The following GRB2 variants were observed in gnomAD, a reference collection of about 807,000 sequenced individuals.
The protein encoded by GRB2 is growth factor receptor-bound protein 2.
In GRB2, 2 loss-of-function variants were observed where a neutral mutation model predicts 27.4. The observed-to-expected ratio is 0.07, with a 90% CI of 0.03 to 0.23. The LOEUF is 0.23. Ranked by LOEUF, GRB2 falls within the 10% of genes least tolerant of loss-of-function variation. The probability of loss-of-function intolerance (pLI) is 1.00; values close to 1 mark genes in which losing one functional copy is unlikely to be tolerated. For synonymous variants in GRB2, 94 were observed against 99.6 expected (o/e 0.94, Z 0.33); for missense variants, 102 against 282.4 (o/e 0.36, Z 4.58).
At chr17:75,354,714 T>TG (rs1315169331) in intron 2 of GRB2, among the ~76,000 whole-genome samples, 1 of 152,178 alleles carries the variant, frequency 6.6e-6, no homozygotes, top group African/African-American at 2.4e-5. Context: ...CCAAAAGATG[T>TG]GACAGCTATT....
intron 4 of GRB2, among the ~76,000 whole-genome samples, chr17:75,324,507 G>GTTTTTTTTTTTTTT (rs767194304): frequency 2.5e-4 from 9 of 36,694 alleles, no homozygotes; most frequent in African/African-American, 3.3e-4. Flanking sequence ...ACCGCACCCA[G>GTTTTTTTTTTTTTT]TTTTTTTTTT....
At chr17:75,346,445 G>A (rs967348683) in intron 2 of GRB2, among the ~76,000 whole-genome samples, 39 of 152,008 alleles carry the variant, frequency 2.6e-4, no homozygotes, top group African/African-American at 8.7e-4. Context: ...GCAGGGAGCC[G>A]AGACTGCGCC....
chr17:75,371,181 TTAAG>T (rs1284260828), intron 2 of GRB2: 4 of 151,950 alleles, frequency 2.6e-5, no homozygotes, highest in Admixed American at 2.6e-4. Flanking sequence ...ATAACACTGA[TTAAG>T]TATTCTTTAG....
chr17:75,384,936 G>A (rs1005303846), intron 2 of GRB2, among the ~76,000 whole-genome samples: 11 of 143,906 alleles, frequency 7.6e-5, no homozygotes, highest in African/African-American at 2.3e-4. Context: ...GGTAGCTCAT[G>A]TCGGTAATCC....
chr17:75,337,906 A>AC (rs1567859979), intron 2 of GRB2, among the ~76,000 whole-genome samples: 1 of 118,646 alleles, frequency 8.4e-6, no homozygotes, highest in African/African-American at 3.2e-5. Flanking sequence ...TACTACTATT[A>AC]TTATTATTAT....
At chr17:75,376,550 T>G (rs2078895238) in intron 2 of GRB2, among the ~76,000 whole-genome samples, 1 of 149,186 alleles carries the variant, frequency 6.7e-6, no homozygotes, top group Admixed American at 6.7e-5. Context: ...TAGTGAAGCA[T>G]GAACTTCTAC....
At chr17:75,391,771 G>A (rs1203345389) in intron 2 of GRB2, among the ~76,000 whole-genome samples, 5 of 142,994 alleles carry the variant, frequency 3.5e-5, no homozygotes, top group African/African-American at 1.1e-4. Context: ...TTGTACCACC[G>A]CACTCCAGCC....
chr17:75,404,374 G>C (rs2079084250), intron 1 of GRB2, among the ~76,000 whole-genome samples: 2 of 152,064 alleles, frequency 1.3e-5, no homozygotes, highest in African/African-American at 2.4e-5. Context: ...AGGGAACGCA[G>C]GGGACGCGCA....
Position 75,358,716 on chromosome 17 carries a change from A to AAAC in GRB2, c.79-25920_79-25919insGTT, listed in dbSNP as rs1567866362. ...CATCTCTACTAAAAAAAAAAAAAAA[A>AAAC]AAAAAAAAAACAAAAAATTAGCTGG... On this transcript the variant is annotated intron_variant, in intron 2 of 5. Transcript: ENST00000316804. Among the ~76,000 whole-genome samples the AAAC allele has an allele frequency of 3.0e-4, 44 of 146,352 alleles. 1 individual carries two copies. The highest frequency in any genetic ancestry group is 1.1e-3 in the African/African-American group (44 of 39,956).
intron 2 of GRB2, among the ~76,000 whole-genome samples, chr17:75,368,361 GC>G (rs35442595): frequency 1.3e-5 from 2 of 150,956 alleles, no homozygotes; most frequent in Non-Finnish European, 3.0e-5. Flanking sequence ...GATTACAGGC[GC>G]CCCCCACCGT....
intron 4 of GRB2, among the ~76,000 whole-genome samples, chr17:75,325,575 TATC>T (rs1366839285): frequency 6.6e-6 from 1 of 152,178 alleles, no homozygotes; most frequent in Non-Finnish European, 1.5e-5. Context: ...GGCGCTCCAC[TATC>T]CCATTAGAGA....
chr17:75,336,402 C>T (rs868003933), intron 2 of GRB2, among the ~76,000 whole-genome samples: 3 of 152,174 alleles, frequency 2.0e-5, no homozygotes, highest in African/African-American at 7.2e-5. Context: ...CAAAGAGCTG[C>T]TTGTAACCTA....
At chr17:75,325,753 G>T in intron 4 of GRB2, 145 bp downstream of exon 4, 2 of 872,314 alleles carry the variant, frequency 2.3e-6, no homozygotes, top group Non-Finnish European at 3.6e-6. Context: ...AGAGGAGCCA[G>T]AAATTAGGAT....
At chr17:75,334,210 G>A (rs945528771) in intron 2 of GRB2, among the ~76,000 whole-genome samples, 10 of 151,062 alleles carry the variant, frequency 6.6e-5, no homozygotes, top group Non-Finnish European at 1.5e-4. Flanking sequence ...TCGCTCTGTC[G>A]CCCAGGCTGG....
chr17:75,327,560 G>A (rs906961170), intron 3 of GRB2, among the ~76,000 whole-genome samples: 2 of 151,158 alleles, frequency 1.3e-5, no homozygotes, highest in South Asian at 2.1e-4. Context: ...TAATAGAGAC[G>A]GGGTTTCACC....
In GRB2 at chr17:75,382,217, G is replaced by A. The variant is rs542511849; in HGVS notation, c.78+11334C>T. On this transcript the variant is annotated intron_variant, in intron 2 of 5. Coordinates refer to ENST00000316804, the MANE Select transcript of GRB2 (RefSeq NM_002086.5). ...CAGCCTGATGACAGAGCAAGACTCC[G>A]TCTCCAAAAAAAAAAAGTCCTGGGT... Among the ~76,000 whole-genome samples, 9 of 52,088 alleles carry A rather than the reference G, an allele frequency of 1.7e-4. No individual in the cohort carries two copies. The South Asian group carries it at 5.7e-3, about 33-fold the overall frequency. 34.2% of individuals were successfully genotyped at this position (52,088 alleles called of 152,430 possible).
chr17:75,403,023 T>C (rs1821581), intron 1 of GRB2, among the ~76,000 whole-genome samples: 93,500 of 136,612 alleles, frequency 0.68, 36,017 homozygotes, highest in East Asian at 0.96. Flanking sequence ...TGTGGTGACC[T>C]GAGATCGTGC....
intron 1 of GRB2, among the ~76,000 whole-genome samples, chr17:75,402,804 G>A (rs1056759880): frequency 5.3e-5 from 8 of 151,774 alleles, no homozygotes; most frequent in Non-Finnish European, 8.8e-5. Context: ...GGCCGGGCGC[G>A]GTGGCTCACG....
intron 1 of GRB2, among the ~76,000 whole-genome samples, chr17:75,397,710 A>G (rs1461975274): frequency 6.6e-6 from 1 of 152,206 alleles, no homozygotes; most frequent in Non-Finnish European, 1.5e-5. Context: ...CTCATCTGTA[A>G]AATGAGAATA....
Sources: gnomAD v4.1 joint callset for allele counts (sites outside exome capture counted in the v4.1 genomes callset) on GRCh38, gnomAD v4.1.1 for gene constraint, MANE v1.5 for transcripts, NCBI Gene and HGNC (gene_info 2026-07-23, HGNC 2026-07-21) for gene names.